The following ADAMTSL1 variants were observed in gnomAD, a reference collection of about 807,000 sequenced individuals.
ADAMTSL1 encodes the protein ADAMTS like 1.
In ADAMTSL1, 126 loss-of-function variants were observed where a neutral mutation model predicts 201.8. That is an observed-to-expected ratio of 0.62 (90% confidence interval 0.54 to 0.72). The LOEUF (loss-of-function observed/expected upper bound fraction) is 0.72, where lower values mean the gene tolerates loss of function less well. Among genes scored for constraint, ADAMTSL1 ranks in the 30% least tolerant of loss-of-function variants. The pLI is 0.00. For missense variants in ADAMTSL1, 2,679 were observed against 2,277.8 expected, an observed-to-expected ratio of 1.18 and a Z score of -3.59; for synonymous variants, 1,121 against 903.4, an observed-to-expected ratio of 1.24 and a Z score of -4.32.
chr9:18,895,975 A>C (rs1829611409), intron 26 of ADAMTSL1, among the ~76,000 whole-genome samples: 1 of 152,228 alleles, frequency 6.6e-6, no homozygotes, highest in Non-Finnish European at 1.5e-5. Context: ...TGAAAATTTT[A>C]CTGGCGGGAT....
chr9:18,906,027 C>T, intron 27 of ADAMTSL1, 136 bp downstream of exon 27: 1 of 748,638 alleles, frequency 1.3e-6, no homozygotes, highest in Non-Finnish European at 2.2e-6. Flanking sequence ...CCATTCACCG[C>T]AAGCCACTGG....
intron 2 of ADAMTSL1, among the ~76,000 whole-genome samples, chr9:18,365,709 A>G (rs1015980527): frequency 6.6e-6 from 1 of 151,992 alleles, no homozygotes; most frequent in African/African-American, 2.4e-5. Flanking sequence ...AAAATGGGGG[A>G]GCACGATTTA....
intron 3 of ADAMTSL1, among the ~76,000 whole-genome samples, chr9:18,556,501 A>T (rs1477227194): frequency 2.6e-5 from 4 of 151,966 alleles, no homozygotes; most frequent in Non-Finnish European, 4.4e-5. Flanking sequence ...TGTAATTTTC[A>T]TAGGAAGAAG....
At position 18,775,856 on chromosome 9, in the gene ADAMTSL1, C is replaced by T. The variant is rs1340072131; in HGVS notation, c.2511C>T (p.Phe837=). The T allele has an allele frequency of 3.1e-6, 5 of 1,604,178 alleles. No homozygotes were observed. Among genetic ancestry groups the T allele is most frequent in the East Asian group, 2.2e-5 (1 of 44,600 alleles). ...VNSTLCPPLP[F]SSSIRPCMLA... is the part of the protein sequence containing the mutation. ...CCACCCTGTGCCCGCCCCTGCCTTT[C>T]TCTTCCTCCATCAGGCCCTGTATGC... Residue 837 remains phenylalanine (F), a synonymous_variant, in exon 18 of 29, where the codon TTC becomes TTT. Coordinates refer to ENST00000380548, the MANE Select transcript of ADAMTSL1 (RefSeq NM_001040272.6).
At chr9:18,656,406 C>T (rs1351332061) in intron 7 of ADAMTSL1, among the ~76,000 whole-genome samples, 2 of 151,966 alleles carry the variant, frequency 1.3e-5, no homozygotes, top group African/African-American at 4.8e-5. Flanking sequence ...CCGAGGCGGG[C>T]AGATCACGAG....
chr9:18,904,622 A>G (rs1380354168), intron 26 of ADAMTSL1, among the ~76,000 whole-genome samples: 1 of 123,728 alleles, frequency 8.1e-6, no homozygotes, highest in Non-Finnish European at 1.6e-5. Context: ...CAACAGAAAG[A>G]GACCCTGCCT....
At chr9:18,456,389 A>C (rs1225612265) in intron 2 of ADAMTSL1, among the ~76,000 whole-genome samples, 2 of 152,138 alleles carry the variant, frequency 1.3e-5, no homozygotes, top group African/African-American at 4.8e-5. Context: ...ATACTTCCTC[A>C]GTGGTACTCT....
intron 23 of ADAMTSL1, among the ~76,000 whole-genome samples, chr9:18,843,114 AG>A (rs1278074441): frequency 6.6e-6 from 1 of 150,982 alleles, no homozygotes; most frequent in Non-Finnish European, 1.5e-5. Flanking sequence ...TAGTTGATGC[AG>A]TTTCTTCCTA....
chr9:18,346,980 T>A (rs4961640), intron 2 of ADAMTSL1, among the ~76,000 whole-genome samples: 44,634 of 152,052 alleles, frequency 0.29, 7,123 homozygotes, highest in East Asian at 0.47. Flanking sequence ...GATTCCGAGA[T>A]TAATAAAGCT....
intron 1 of ADAMTSL1, among the ~76,000 whole-genome samples, chr9:18,020,141 G>T (rs1348677070): frequency 2.0e-5 from 3 of 152,078 alleles, no homozygotes; most frequent in Admixed American, 2.0e-4. Flanking sequence ...GGAAGTAGAT[G>T]ATGGAAGTAG....
chr9:18,884,561 C>G (rs1828738172), intron 23 of ADAMTSL1, among the ~76,000 whole-genome samples: 1 of 151,962 alleles, frequency 6.6e-6, no homozygotes, highest in African/African-American at 2.4e-5. Flanking sequence ...AGGTTTAGGT[C>G]TTTCATCCAT....
intron 8 of ADAMTSL1, among the ~76,000 whole-genome samples, chr9:18,661,733 G>T (rs1248316998): frequency 6.6e-6 from 1 of 152,164 alleles, no homozygotes; most frequent in African/African-American, 2.4e-5. Context: ...TAATTATTAA[G>T]ATTTGAGTGG....
intron 7 of ADAMTSL1, among the ~76,000 whole-genome samples, chr9:18,653,202 A>T (rs1274211518): frequency 6.6e-6 from 1 of 151,828 alleles, no homozygotes; most frequent in African/African-American, 2.4e-5. Context: ...TCTTTCTTTC[A>T]CTCTTGAGAG....
chr9:18,265,072 G>A (rs539655052), intron 2 of ADAMTSL1, among the ~76,000 whole-genome samples: 9 of 152,172 alleles, frequency 5.9e-5, no homozygotes, highest in African/African-American at 9.7e-5. Context: ...ATAGCCACAG[G>A]AATAGTATTT....
chr9:18,352,814 C>T (rs1836032791), intron 2 of ADAMTSL1, among the ~76,000 whole-genome samples: 1 of 152,218 alleles, frequency 6.6e-6, no homozygotes, highest in African/African-American at 2.4e-5. Context: ...CCCTATTTCT[C>T]AATCAGTCAG....
At chr9:18,352,648 A>G (rs1836023862) in intron 2 of ADAMTSL1, among the ~76,000 whole-genome samples, 1 of 152,036 alleles carries the variant, frequency 6.6e-6, no homozygotes, top group Admixed American at 6.5e-5. Flanking sequence ...TCTATTTTCC[A>G]CCCATATCTA....
chr9:18,906,774 T>C lies in ADAMTSL1; in HGVS notation c.5044T>C (p.Cys1682Arg). The change falls in exon 28 of 29, where the codon TGT (cysteine) becomes CGT (arginine). Residue 1682 changes from cysteine (C) to arginine (R), a missense_variant. Transcript: ENST00000380548. ...VSLWTLCTAT[C>R]GNYGFQSRRV... ...CCTGTGGACCCTGTGCACAGCTACCTGTGGCAACTACGGCTTCCAGTCCCG... is the reference window on the plus strand; with the variant it reads ...CCTGTGGACCCTGTGCACAGCTACCCGTGGCAACTACGGCTTCCAGTCCCG... 6.2e-7 allele frequency: 1 copy of C among 1,614,016 alleles called. No individual in the cohort carries two copies. The highest frequency in any genetic ancestry group is 8.5e-7 in the Non-Finnish European group (1 of 1,179,884).
At position 18,204,879 on chromosome 9, in the gene ADAMTSL1, C is replaced by T. The variant is rs567903916; in HGVS notation, c.207+40898C>T. Among the ~76,000 whole-genome samples, 222 of 152,260 alleles carry T rather than the reference C, an allele frequency of 1.5e-3. 2 individuals are homozygous for T. The highest frequency in any genetic ancestry group is 5.1e-3 in the African/African-American group (214 of 41,568). On this transcript the variant is annotated intron_variant, in intron 2 of 29. Coordinates refer to the ADAMTSL1 transcript ENST00000680146. ...TTGTTCTAGAATAAGCTTTTGAAAACATCTTTGTTCATTTATATCCACTGT... is the reference window on the plus strand; with the variant it reads ...TTGTTCTAGAATAAGCTTTTGAAAATATCTTTGTTCATTTATATCCACTGT...
intron 1 of ADAMTSL1, among the ~76,000 whole-genome samples, chr9:18,022,844 A>G (rs149309996): frequency 1.3e-5 from 2 of 152,130 alleles, no homozygotes; most frequent in East Asian, 1.9e-4. Flanking sequence ...CTATTTGACT[A>G]TTTTGGTTCC....
Sources: allele counts gnomAD v4.1 joint callset (sites outside exome capture counted in the v4.1 genomes callset), GRCh38; gene constraint gnomAD v4.1.1; transcripts MANE v1.5; gene names NCBI Gene and HGNC (gene_info 2026-07-23, HGNC 2026-07-21).